The following CCDC22 variants were observed in gnomAD, a reference collection of about 807,000 sequenced individuals.
The protein encoded by CCDC22 is CCC complex scaffolding subunit CCDC22, also known as coiled-coil domain-containing protein 22.
A neutral mutation model predicts 53.1 loss-of-function variants in CCDC22; 4 were observed. The observed-to-expected ratio is 0.08, with a 90% CI of 0.04 to 0.17. The LOEUF is 0.17. Among genes scored for constraint, CCDC22 ranks in the 10% least tolerant of loss-of-function variants. CCDC22 has a pLI of 1.00. For synonymous variants in CCDC22, 222 were observed against 224.4 expected, an observed-to-expected ratio of 0.99 and a Z score of 0.10; for missense variants, 458 against 554.0, an observed-to-expected ratio of 0.83 and a Z score of 1.74.
intron 9 of CCDC22, 139 bp from the exon 10 acceptor site, chrX:49,248,052 G>A: frequency 9.1e-7 from 1 of 1,099,533 alleles, no homozygotes; most frequent in African/African-American, 1.8e-5. Flanking sequence ...GGTCTGCATG[G>A]ACAGGGGATT....
chrX:49,242,419 C>T (rs1327052758), intron 3 of CCDC22: 9 of 573,620 alleles, frequency 1.6e-5, no homozygotes, highest in African/African-American at 1.3e-4. Context: ...TCTCTCACTT[C>T]GCTCTAACCA....
chrX:49,249,857 C>A, intron 16 of CCDC22, 132 bp downstream of exon 16: 1 of 592,572 alleles, frequency 1.7e-6, no homozygotes, highest in Non-Finnish European at 2.7e-6. Flanking sequence ...GTGCCTGTGA[C>A]CTGGGACAGG....
rs1446551828 is a variant in CCDC22 at position 49,249,737 on chromosome X, G to T, written c.1770+12G>T. ...ACCTCGAGGAGCAGGTGAGGCCTGG[G>T]GGCAGGATGGGGAGCCAAGGCGGGC... On this transcript the variant is annotated intron_variant, in intron 16 of 16. Transcript: ENST00000376227. 3 of 1,182,755 alleles carry T rather than the reference G, an allele frequency of 2.5e-6. No homozygotes were observed. The Admixed American group carries it at 6.6e-5, about 26-fold the overall frequency.
rs1569529403 is a variant in CCDC22, at chrX:49,248,505, G to C, written c.1311G>C (p.Lys437Asn). The change falls in exon 11 of 17, where the codon AAG (lysine) becomes AAC (asparagine). Residue 437 changes from lysine (K) to asparagine (N), a missense_variant. Physicochemically the swap from Lys to Asn is moderately conservative, Grantham distance 94 (BLOSUM62 0). This residue lies in a region of CCDC22 where 309 missense variants were observed against 312.3 expected (regional missense o/e 0.99). Transcript: ENST00000376227. Reference sequence around the variant, plus strand: ...TCGCTGAGTACCGCCACCTCCGAAAGCTGCAGGATTGCAGAGAGGTAAGCA... The same window carrying C: ...TCGCTGAGTACCGCCACCTCCGAAACCTGCAGGATTGCAGAGAGGTAAGCA... ...PLLAEYRHLR[K>N]LQDCRELESS... The C allele has an allele frequency of 8.3e-7, 1 of 1,210,006 alleles. No homozygotes were observed. The highest frequency in any genetic ancestry group is 1.7e-5 in the African/African-American group (1 of 57,865).
At chrX:49,243,255 G>C in intron 5 of CCDC22, 29 bp from the exon 6 acceptor site, 1 of 1,198,859 alleles carries the variant, frequency 8.3e-7, no homozygotes, top group African/African-American at 1.7e-5. Flanking sequence ...CCATGCGGCA[G>C]GGCCAGCTGA....
rs199994380 is a variant in CCDC22, at chrX:49,239,030, C to T, written c.228+1767C>T. Among the ~76,000 whole-genome samples, 23 of 111,005 alleles carry T rather than the reference C, an allele frequency of 2.1e-4. No homozygotes were observed. In the East Asian group the frequency reaches 5.6e-3, roughly 27 times the overall value. On this transcript the variant is annotated intron_variant, in intron 2 of 16. Transcript: ENST00000376227. ...TTTTTTTGAAGCCCAGGCTGGAGTG[C>T]AGTGGCACAATCTCGGCTTACTGCA...
At chrX:49,239,512 A>T (rs782020538) in intron 2 of CCDC22, 90 of 650,457 alleles carry the variant, frequency 1.4e-4, no homozygotes, top group Non-Finnish European at 1.6e-4. Flanking sequence ...TGGTGGAGGG[A>T]CGATAGAGTA....
chrX:49,247,793 C>G, intron 9 of CCDC22, 25 bp downstream of exon 9: 1 of 1,209,072 alleles, frequency 8.3e-7, no homozygotes, highest in Non-Finnish European at 1.1e-6. Flanking sequence ...AGGGGCTGCG[C>G]GTTGGGCTAG....
Position 49,248,688 on chromosome X carries a change from C to T in CCDC22, c.1385C>T (p.Ala462Val), listed in dbSNP as rs782649538. The change falls in exon 12 of 17, where the codon GCG (alanine) becomes GTG (valine). Residue 462 changes from alanine (A) to valine (V), a missense_variant. Ala to Val is a moderately conservative substitution (Grantham distance 64, BLOSUM62 0). Around this residue, in one of 4 missense-constraint regions of CCDC22, gnomAD observed 309 missense variants for 312.3 expected, o/e 0.99. Coordinates refer to ENST00000376227, the MANE Select transcript of CCDC22 (RefSeq NM_014008.5). ...EIQELHQSVR[A>V]AAEEARRKEE... is the part of the protein sequence containing the mutation. ...CAAGAACTGCACCAGAGTGTCCGGG[C>T]GGCTGCTGAAGAGGCCCGCAGGAAG... 3.1e-5 allele frequency: 37 copies of T among 1,208,664 alleles called. No homozygotes were observed. Among genetic ancestry groups the T allele is most frequent in the South Asian group, 1.8e-4 (10 of 56,630 alleles).
At chrX:49,248,556 C>T in intron 11 of CCDC22, 33 bp downstream of exon 11, 1 of 1,198,576 alleles carries the variant, frequency 8.3e-7, no homozygotes, top group Non-Finnish European at 1.1e-6. Flanking sequence ...GTGGGCGGGC[C>T]AGGGCAGGCT....
intron 2 of CCDC22, among the ~76,000 whole-genome samples, chrX:49,237,678 A>G (rs1296526579): frequency 9.0e-6 from 1 of 110,998 alleles, no homozygotes; most frequent in South Asian, 3.8e-4. Flanking sequence ...CTAGTTCCAG[A>G]AAATACTCTG....
chrX:49,249,478 T>C, intron 14 of CCDC22, 31 bp from the exon 15 acceptor site: 1 of 1,194,725 alleles, frequency 8.4e-7, no homozygotes, highest in Non-Finnish European at 1.1e-6. Flanking sequence ...GGCAGCCCAC[T>C]GATACCTTTG....
At chrX:49,239,349 G>T (rs1471882351) in intron 2 of CCDC22, 1 of 381,814 alleles carries the variant, frequency 2.6e-6, no homozygotes, top group Non-Finnish European at 3.3e-6. Context: ...ACTGTATAGG[G>T]TTGCTGTGAG....
intron 12 of CCDC22, 22 bp from the exon 13 acceptor site, chrX:49,248,795 T>C (rs2066006068): frequency 8.3e-7 from 1 of 1,205,259 alleles, no homozygotes; most frequent in African/African-American, 1.8e-5. Flanking sequence ...CCTGGGGCAG[T>C]GCCTGCTATA....
chrX:49,243,190 C>T lies in CCDC22; in HGVS notation c.535+6C>T, dbSNP rs1557113651. 2 of 1,210,162 alleles carry T rather than the reference C, an allele frequency of 1.7e-6. No homozygotes were observed. Among genetic ancestry groups the T allele is most frequent in the Non-Finnish European group, 2.2e-6 (2 of 894,077 alleles). On this transcript the variant is annotated splice_donor_region_variant and intron_variant, in intron 5 of 16. Transcript: ENST00000376227. ...AGAATTGAGTTCCAGAGGTGGTGAG[C>T]ATGAGGCTGTGGGGAGGGGTGAGGA... is the stretch of plus-strand genomic sequence containing the variant.
At chrX:49,239,643 C>T (rs966541019) in intron 2 of CCDC22, among the ~76,000 whole-genome samples, 28 of 110,509 alleles carry the variant, frequency 2.5e-4, no homozygotes, top group African/African-American at 7.6e-4. Context: ...TCCATCCCTT[C>T]GCTCTCAGGT....
chrX:49,235,863 A>G lies in CCDC22; in HGVS notation c.50+177A>G, dbSNP rs112568267. 9.3e-4 allele frequency among the ~76,000 whole-genome samples: 96 copies of G among 103,767 alleles called. No homozygotes were observed. In the Middle Eastern group the frequency reaches 0.025, roughly 27 times the overall value. The allele number at this position is 103,767 out of a possible 115,157, so 90.1% of individuals were successfully genotyped here. Reference sequence around the variant, plus strand: ...CACACACACACACACACACACACACACGCACACACACACCGCCCTCCCTGA... The same window carrying G: ...CACACACACACACACACACACACACGCGCACACACACACCGCCCTCCCTGA... On this transcript the variant is annotated intron_variant, in intron 1 of 16. Transcript: ENST00000376227.
intron 1 of CCDC22, among the ~76,000 whole-genome samples, chrX:49,236,088 C>T (rs1462767305): frequency 1.8e-5 from 2 of 109,253 alleles, no homozygotes; most frequent in South Asian, 4.0e-4. Flanking sequence ...AACCAGGGAG[C>T]GTAAAACCCC....
chrX:49,244,301 C>T (rs1377626483), intron 6 of CCDC22, among the ~76,000 whole-genome samples: 1 of 107,269 alleles, frequency 9.3e-6, no homozygotes, highest in Non-Finnish European at 1.9e-5. Flanking sequence ...CTTTATCTGT[C>T]CCCTCTTCTT....
Sources: allele counts gnomAD v4.1 joint callset (sites outside exome capture counted in the v4.1 genomes callset), GRCh38; gene constraint gnomAD v4.1.1; regional missense constraint gnomAD v4.1.1; transcripts MANE v1.5; gene names NCBI Gene and HGNC (gene_info 2026-07-23, HGNC 2026-07-21).